The following EPHA3 variants were observed in gnomAD, a reference collection of about 807,000 sequenced individuals.
EPHA3 encodes ephrin type-A receptor 3.
In EPHA3, 42 loss-of-function variants were observed where a neutral mutation model predicts 107.1. The ratio of observed to expected loss-of-function variants is 0.39; its 90% CI spans 0.31 to 0.51. The LOEUF is 0.51. Among genes scored for constraint, EPHA3 ranks in the 20% least tolerant of loss-of-function variants. EPHA3 has a pLI of 0.78. For missense variants in EPHA3, 1,183 were observed against 1,211.2 expected (o/e 0.98, Z 0.35); for synonymous variants, 461 against 424.8 (o/e 1.09, Z -1.05).
intron 3 of EPHA3, among the ~76,000 whole-genome samples, chr3:89,214,632 C>G (rs1704181979): frequency 6.6e-6 from 1 of 151,860 alleles, no homozygotes; most frequent in Admixed American, 6.6e-5. Flanking sequence ...AACCTCTAGT[C>G]TATTAAACCA....
At chr3:89,209,365 A>G (rs1706208922) in intron 2 of EPHA3, among the ~76,000 whole-genome samples, 1 of 152,148 alleles carries the variant, frequency 6.6e-6, no homozygotes, top group South Asian at 2.1e-4. Context: ...TACATTAAAA[A>G]ATGTCATGCA....
At chr3:89,244,738 A>G (rs1251023588) in intron 3 of EPHA3, among the ~76,000 whole-genome samples, 1 of 152,232 alleles carries the variant, frequency 6.6e-6, no homozygotes, top group Non-Finnish European at 1.5e-5. Flanking sequence ...ATGCAGCTTT[A>G]TCAGTGGCTA....
At chr3:89,345,818 C>G (rs1707636847) in intron 5 of EPHA3, among the ~76,000 whole-genome samples, 1 of 130,886 alleles carries the variant, frequency 7.6e-6, no homozygotes, top group Admixed American at 8.2e-5. Flanking sequence ...TTCCTGTGTC[C>G]ATGTGATCTC....
At chr3:89,200,629 C>T (rs1705946723) in intron 2 of EPHA3, among the ~76,000 whole-genome samples, 2 of 152,280 alleles carry the variant, frequency 1.3e-5, no homozygotes, top group South Asian at 2.1e-4. Context: ...CCAAATTGTT[C>T]CTGGCCTTAC....
chr3:89,270,560 A>C (rs1268058883), intron 3 of EPHA3, among the ~76,000 whole-genome samples: 1 of 152,108 alleles, frequency 6.6e-6, no homozygotes, highest in Non-Finnish European at 1.5e-5. Context: ...CACCATAAAT[A>C]ATTAAATGCA....
intron 3 of EPHA3, among the ~76,000 whole-genome samples, chr3:89,237,141 C>T (rs1332382199): frequency 1.1e-4 from 16 of 152,138 alleles, no homozygotes; most frequent in Non-Finnish European, 2.1e-4. Context: ...GCGGTTGGAT[C>T]ACTTGAGGCC....
At position 89,450,216 on chromosome 3, in the gene EPHA3, C is replaced by T. The variant is rs142030914; in HGVS notation, c.2536C>T (p.Pro846Ser). 4 of 1,612,838 alleles carry T rather than the reference C, an allele frequency of 2.5e-6. No homozygotes were observed. Among genetic ancestry groups the T allele is most frequent in the Admixed American group, 3.3e-5 (2 of 59,806 alleles). ...AGATGAGGGCTATCGACTGCCACCCCCCATGGACTGCCCAGCTGCCTTGTA... is the reference window on the plus strand; with the variant it reads ...AGATGAGGGCTATCGACTGCCACCCTCCATGGACTGCCCAGCTGCCTTGTA... ...AVDEGYRLPP[P>S]MDCPAALYQL... is the part of the protein sequence containing the mutation. The change falls in exon 15 of 17, where the codon CCC becomes TCC. Residue 846 changes from proline (P) to serine (S), a missense_variant. By Grantham distance (74) the Pro-to-Ser change is moderately conservative. Transcript: ENST00000336596.
At chr3:89,210,633 C>T (rs1706255154) in intron 3 of EPHA3, 113 bp downstream of exon 3, 1 of 1,076,978 alleles carries the variant, frequency 9.3e-7, no homozygotes, top group Admixed American at 2.7e-5. Flanking sequence ...AAACATGCCT[C>T]AAACTGACCA....
In EPHA3 at chr3:89,412,117, T is replaced by G. The variant is rs1266056381; in HGVS notation, c.1763-1024T>G. On this transcript the variant is annotated intron_variant, in intron 9 of 16. Transcript: ENST00000336596. ...AATTTTAGATCATATTTATATAGTT[T>G]AGTAGATCTTAGAATCACTTTTTTA... is the stretch of plus-strand genomic sequence containing the variant. Among the ~76,000 whole-genome samples, 3 of 151,820 alleles carry G rather than the reference T, an allele frequency of 2.0e-5. No homozygotes were observed. The East Asian group carries it at 5.8e-4, about 29-fold the overall frequency.
chr3:89,449,297 G>A lies in EPHA3; in HGVS notation c.2419G>A (p.Val807Ile), dbSNP rs2107553491. The A allele has an allele frequency of 1.9e-6, 3 of 1,613,086 alleles. No homozygotes were observed. Among genetic ancestry groups the A allele is most frequent in the Non-Finnish European group, 2.5e-6 (3 of 1,179,304 alleles). Residue 807 changes from valine to isoleucine, a missense_variant, in exon 14 of 17, where the codon GTA becomes ATA. By Grantham distance (29) the Val-to-Ile change is conservative (BLOSUM62 3). Transcript: ENST00000336596. ...CCGCAAGTTCACGTCAGCCAGCGAT[G>A]TATGGAGTTATGGGATTGTTCTCTG... ...AYRKFTSASD[V>I]WSYGIVLWEV...
At chr3:89,284,948 GA>G (rs1426083902) in intron 3 of EPHA3, among the ~76,000 whole-genome samples, 2 of 152,030 alleles carry the variant, frequency 1.3e-5, no homozygotes, top group African/African-American at 4.8e-5. Flanking sequence ...CCAACAGGGT[GA>G]AACCCATTTC....
intron 5 of EPHA3, among the ~76,000 whole-genome samples, chr3:89,387,774 A>G (rs1233935945): frequency 1.3e-5 from 2 of 152,288 alleles, no homozygotes; most frequent in East Asian, 1.9e-4. Context: ...AATTTATGCA[A>G]TAAATGACTA....
chr3:89,157,798 G>A (rs538100377), intron 2 of EPHA3, among the ~76,000 whole-genome samples: 8 of 151,778 alleles, frequency 5.3e-5, no homozygotes, highest in African/African-American at 1.9e-4. Context: ...TGGCAGTAGG[G>A]TAGATAGAAA....
chr3:89,132,194 G>A (rs1704220759), intron 2 of EPHA3, among the ~76,000 whole-genome samples: 1 of 152,126 alleles, frequency 6.6e-6, no homozygotes, highest in Non-Finnish European at 1.5e-5. Context: ...TTTCTCTCGG[G>A]ACTAGAAAGG....
intron 10 of EPHA3, among the ~76,000 whole-genome samples, chr3:89,413,691 A>G (rs994621735): frequency 2.0e-5 from 3 of 151,826 alleles, no homozygotes; most frequent in East Asian, 1.9e-4. Flanking sequence ...CTCATCTTAC[A>G]TAAATTTTAT....
chr3:89,147,156 AG>A (rs1463128215), intron 2 of EPHA3, among the ~76,000 whole-genome samples: 1 of 151,792 alleles, frequency 6.6e-6, no homozygotes, highest in Non-Finnish European at 1.5e-5. Flanking sequence ...GAACACAGGA[AG>A]GGGAACATCA....
rs3051088 is a variant in EPHA3 at position 89,280,059 on chromosome 3, G to A, written c.815-60857G>A. Among the ~76,000 whole-genome samples the A allele has an allele frequency of 2.7e-5, 4 of 149,914 alleles. No homozygotes were observed. In the East Asian group the frequency reaches 7.8e-4, roughly 29 times the overall value. ...TGTGTGTGTGTGTGTGTGTGTGTGTGCATTCATGCACATGTCAGAGATGGG... is the reference window on the plus strand; with the variant it reads ...TGTGTGTGTGTGTGTGTGTGTGTGTACATTCATGCACATGTCAGAGATGGG... On this transcript the variant is annotated intron_variant, in intron 3 of 16. Coordinates refer to ENST00000336596, the MANE Select transcript of EPHA3 (RefSeq NM_005233.6).
chr3:89,185,974 AT>A (rs532456419), intron 2 of EPHA3, among the ~76,000 whole-genome samples: 10 of 151,104 alleles, frequency 6.6e-5, no homozygotes, highest in East Asian at 1.9e-4. Context: ...AAGAAGGTTC[AT>A]TTTTTTTCTT....
At chr3:89,295,260 T>A (rs1254601397) in intron 3 of EPHA3, among the ~76,000 whole-genome samples, 1 of 152,128 alleles carries the variant, frequency 6.6e-6, no homozygotes, top group Non-Finnish European at 1.5e-5. Context: ...TAAAAATACT[T>A]TATTACTAAA....
Sources: allele counts gnomAD v4.1 joint callset (sites outside exome capture counted in the v4.1 genomes callset), GRCh38; gene constraint gnomAD v4.1.1; transcripts MANE v1.5; gene names NCBI Gene and HGNC (gene_info 2026-07-23, HGNC 2026-07-21).